Variants in ROPN1 observed in about 807,000 individuals in gnomAD.
ROPN1 encodes the protein rhophilin associated tail protein 1, also known as ropporin-1A.
In ROPN1, 14 loss-of-function variants were observed where a neutral mutation model predicts 20.5. The observed-to-expected ratio is 0.68, with a 90% CI of 0.45 to 1.07. ROPN1 has a LOEUF of 1.07. ROPN1 is among the 50% of genes least tolerant of loss of function. ROPN1 has a pLI of 0.00. For synonymous variants in ROPN1, 76 were observed against 95.7 expected (o/e 0.79, Z 1.20); for missense variants, 169 against 242.8 (o/e 0.70, Z 2.02).
intron 1 of ROPN1, chr3:123,981,493 C>T (rs1339126187): frequency 2.0e-5 from 3 of 153,778 alleles, no homozygotes; most frequent in African/African-American, 7.2e-5. Context: ...AAGGACTCCC[C>T]TTCTGACCTA....
intron 3 of ROPN1, 122 bp from the exon 4 acceptor site, chr3:123,975,662 G>A (rs1460289138): frequency 1.4e-6 from 1 of 708,330 alleles, no homozygotes; most frequent in Non-Finnish European, 2.4e-6. Context: ...GGCGGGAGGG[G>A]GTGTTAGGAA....
chr3:123,985,453 A>G (rs1013103044), intron 1 of ROPN1, among the ~76,000 whole-genome samples: 2 of 152,202 alleles, frequency 1.3e-5, no homozygotes, highest in African/African-American at 4.8e-5. Flanking sequence ...ATTTTTCTTC[A>G]TCATCACCAT....
At chr3:123,976,790 G>A (rs2038032625) in intron 3 of ROPN1, 74 bp downstream of exon 3, 2 of 1,443,998 alleles carry the variant, frequency 1.4e-6, no homozygotes, top group East Asian at 2.3e-5. Context: ...GGAGAACAGA[G>A]GGCTTTTTGT....
At chr3:123,990,458 C>A (rs372712927) in intron 1 of ROPN1, among the ~76,000 whole-genome samples, 5 of 152,154 alleles carry the variant, frequency 3.3e-5, no homozygotes, top group African/African-American at 1.2e-4. Flanking sequence ...GTCAAATTAT[C>A]CCCCCATGTT....
At chr3:123,971,906 G>T (rs769818917) in intron 4 of ROPN1, among the ~76,000 whole-genome samples, 3 of 152,132 alleles carry the variant, frequency 2.0e-5, no homozygotes, top group African/African-American at 7.2e-5. Context: ...ACATACGACC[G>T]TTAAAAAGAT....
At chr3:123,990,634 C>T (rs891759703) in intron 1 of ROPN1, among the ~76,000 whole-genome samples, 1 of 152,192 alleles carries the variant, frequency 6.6e-6, no homozygotes, top group Non-Finnish European at 1.5e-5. Context: ...CTTAACATTC[C>T]TCAATTCTAA....
At chr3:123,974,200 A>C (rs1460428135) in intron 4 of ROPN1, among the ~76,000 whole-genome samples, 2 of 152,208 alleles carry the variant, frequency 1.3e-5, no homozygotes, top group Admixed American at 6.5e-5. Flanking sequence ...ATTTTCCCCC[A>C]AAAACGTCTC....
At chr3:123,986,257 T>C in intron 1 of ROPN1, among the ~76,000 whole-genome samples, 1 of 151,358 alleles carries the variant, frequency 6.6e-6, no homozygotes, top group East Asian at 1.9e-4. Flanking sequence ...TTTATATATA[T>C]TATTTACTTT....
intron 1 of ROPN1, among the ~76,000 whole-genome samples, chr3:123,984,981 T>C (rs945782374): frequency 6.6e-6 from 1 of 152,198 alleles, no homozygotes; most frequent in Non-Finnish European, 1.5e-5. Flanking sequence ...AGTATGCATA[T>C]TACCACTCAA....
chr3:123,972,356 A>AT (rs968537099), intron 4 of ROPN1, among the ~76,000 whole-genome samples: 20 of 152,292 alleles, frequency 1.3e-4, no homozygotes, highest in Admixed American at 3.3e-4. Context: ...CTTGCACAAT[A>AT]TTTTTTTGGG....
At chr3:123,980,175 C>A in intron 2 of ROPN1, 191 bp downstream of exon 2, 1 of 623,976 alleles carries the variant, frequency 1.6e-6, no homozygotes, top group Non-Finnish European at 2.8e-6. Context: ...GGGAGGCATC[C>A]CATCCTTGCC....
intron 1 of ROPN1, among the ~76,000 whole-genome samples, chr3:123,988,411 C>T (rs915052458): frequency 5.9e-5 from 9 of 152,150 alleles, no homozygotes; most frequent in Non-Finnish European, 1.2e-4. Flanking sequence ...CTTCTGATTT[C>T]ATTATAGCAT....
At chr3:123,985,289 C>T (rs1427206896) in intron 1 of ROPN1, among the ~76,000 whole-genome samples, 3 of 152,176 alleles carry the variant, frequency 2.0e-5, no homozygotes, top group African/African-American at 7.2e-5. Context: ...TTAAAACAAT[C>T]CCTGTACGTT....
At chr3:123,988,802 A>G (rs1577378055) in intron 1 of ROPN1, among the ~76,000 whole-genome samples, 1 of 151,962 alleles carries the variant, frequency 6.6e-6, no homozygotes, top group South Asian at 2.1e-4. Flanking sequence ...TAAGTCACAC[A>G]CTCTGCTTCA....
At chr3:123,976,004 C>A (rs2038014014) in intron 3 of ROPN1, among the ~76,000 whole-genome samples, 1 of 152,202 alleles carries the variant, frequency 6.6e-6, no homozygotes, top group Non-Finnish European at 1.5e-5. Context: ...GTGCATCCCT[C>A]ATGCTTTCCC....
At chr3:123,980,263 A>C (rs2038109713) in intron 2 of ROPN1, 103 bp downstream of exon 2, 9 of 955,282 alleles carry the variant, frequency 9.4e-6, no homozygotes, top group Non-Finnish European at 1.3e-5. Context: ...GATGCCAGTT[A>C]GTCCGGACTT....
intron 1 of ROPN1, among the ~76,000 whole-genome samples, chr3:123,984,952 A>G (rs564139331): frequency 1.3e-5 from 2 of 152,304 alleles, no homozygotes; most frequent in Admixed American, 1.3e-4. Flanking sequence ...AAACTTGGAT[A>G]TCATCAAATA....
intron 1 of ROPN1, among the ~76,000 whole-genome samples, chr3:123,985,665 G>T (rs1237343872): frequency 2.1e-5 from 3 of 146,140 alleles, no homozygotes; most frequent in African/African-American, 8.2e-5. Context: ...AAAAATAATA[G>T]AAAATAATTT....
rs1196156624 is a variant in ROPN1 at position 123,969,062 on chromosome 3, C to A, written c.*93G>T. Reference sequence around the variant, plus strand: ...TGTTTATTAGTGTGTACCAGTTGTACAAGAAAATTGATTTTGGGTGGTATA... The same window carrying A: ...TGTTTATTAGTGTGTACCAGTTGTAAAAGAAAATTGATTTTGGGTGGTATA... On this transcript the variant is annotated 3_prime_UTR_variant, in exon 6 of 6. Transcript: ENST00000405845. 2 of 980,256 alleles carry A rather than the reference C, an allele frequency of 2.0e-6. No homozygotes were observed. Among genetic ancestry groups the A allele is most frequent in the African/African-American group, 1.6e-5 (1 of 62,350 alleles). The allele number at this position is 980,256 out of a possible 1,614,324, so 60.7% of individuals were successfully genotyped here.
Sources: allele counts gnomAD v4.1 joint callset (sites outside exome capture counted in the v4.1 genomes callset), GRCh38; gene constraint gnomAD v4.1.1; transcripts MANE v1.5; gene names NCBI Gene and HGNC (gene_info 2026-07-23, HGNC 2026-07-21).